Variants in ELMO1 observed in about 807,000 individuals in gnomAD.
ELMO1 encodes the protein engulfment and cell motility protein 1.
ELMO1 carries 26 observed loss-of-function variants against 98.9 expected under a neutral mutation model. The observed-to-expected ratio is 0.26, with a 90% CI of 0.19 to 0.36. The LOEUF is 0.36. Among genes scored for constraint, ELMO1 ranks in the 10% least tolerant of loss-of-function variants. ELMO1 has a pLI of 1.00. For missense variants in ELMO1, 627 were observed against 935.2 expected (o/e 0.67, Z 4.30); for synonymous variants, 346 against 346.0 (o/e 1.00, Z 0.00).
At chr7:36,968,035 TA>T (rs1308286041) in intron 16 of ELMO1, among the ~76,000 whole-genome samples, 2 of 152,194 alleles carry the variant, frequency 1.3e-5, no homozygotes, top group African/African-American at 4.8e-5. Context: ...GAAAGAAATA[TA>T]AAAATAAAAG....
chr7:36,885,822 C>G (rs1195406989), intron 18 of ELMO1, among the ~76,000 whole-genome samples: 1 of 152,206 alleles, frequency 6.6e-6, no homozygotes, highest in Non-Finnish European at 1.5e-5. Context: ...TCCACTCACT[C>G]TGGCTCACTG....
intron 15 of ELMO1, among the ~76,000 whole-genome samples, chr7:37,021,234 G>A (rs1002194130): frequency 2.0e-5 from 3 of 152,086 alleles, no homozygotes; most frequent in African/African-American, 7.2e-5. Flanking sequence ...CTAGATAGAA[G>A]CTACCACCCC....
intron 16 of ELMO1, among the ~76,000 whole-genome samples, chr7:37,000,277 G>A (rs564105637): frequency 1.0e-3 from 152 of 152,232 alleles, no homozygotes; most frequent in African/African-American, 3.3e-3. Flanking sequence ...ACAGAATCCC[G>A]TGCTCTGTGA....
intron 1 of ELMO1, among the ~76,000 whole-genome samples, chr7:37,416,667 C>T (rs534802918): frequency 6.6e-6 from 1 of 152,196 alleles, no homozygotes; most frequent in South Asian, 2.1e-4. Flanking sequence ...TTTGCATTTG[C>T]TTACAATTTG....
intron 1 of ELMO1, among the ~76,000 whole-genome samples, chr7:37,377,517 C>T (rs1802402133): frequency 6.6e-6 from 1 of 152,158 alleles, no homozygotes. Context: ...GGTCACCCCT[C>T]TCAACGCTCT....
chr7:36,957,788 G>C (rs1788592512), intron 16 of ELMO1, among the ~76,000 whole-genome samples: 2 of 152,134 alleles, frequency 1.3e-5, no homozygotes, highest in Admixed American at 6.5e-5. Context: ...CAATTGTTCT[G>C]AGAGAAGGCT....
chr7:36,891,399 G>A (rs1175103025), intron 17 of ELMO1, among the ~76,000 whole-genome samples: 5 of 152,144 alleles, frequency 3.3e-5, no homozygotes, highest in African/African-American at 7.2e-5. Flanking sequence ...TGAAGCATGC[G>A]GCTGATCTTT....
intron 16 of ELMO1, among the ~76,000 whole-genome samples, chr7:36,966,384 C>T (rs772955302): frequency 9.9e-5 from 15 of 152,162 alleles, no homozygotes; most frequent in Admixed American, 3.3e-4. Context: ...ATTAAGACCA[C>T]GGGTTTTTAA....
At chr7:37,266,238 T>A (rs1423686716) in intron 5 of ELMO1, among the ~76,000 whole-genome samples, 1 of 151,752 alleles carries the variant, frequency 6.6e-6, no homozygotes, top group Non-Finnish European at 1.5e-5. Flanking sequence ...GAGAGAAAAA[T>A]TGAAAACCTG....
At chr7:37,095,181 C>T (rs1784309034) in intron 15 of ELMO1, among the ~76,000 whole-genome samples, 1 of 152,174 alleles carries the variant, frequency 6.6e-6, no homozygotes, top group Non-Finnish European at 1.5e-5. Context: ...ACTACTCACT[C>T]CAGTTACTGA....
rs552973958 is a variant in ELMO1 at position 37,092,969 on chromosome 7, T to A, written c.1300+3650A>T. Among the ~76,000 whole-genome samples, 120 of 151,500 alleles carry A rather than the reference T, an allele frequency of 7.9e-4. 1 individual carries two copies. Among genetic ancestry groups the A allele is most frequent in the African/African-American group, 2.8e-3 (114 of 41,210 alleles). On this transcript the variant is annotated intron_variant, in intron 15 of 21. Coordinates refer to ENST00000310758, the MANE Select transcript of ELMO1 (RefSeq NM_014800.11). Reference sequence around the variant, plus strand: ...CCAGTTTGAGCTCAGTAAACTCAGATACGCAGTAGGTGCAAGTAAGTCTTC... The same window carrying A: ...CCAGTTTGAGCTCAGTAAACTCAGAAACGCAGTAGGTGCAAGTAAGTCTTC...
intron 15 of ELMO1, among the ~76,000 whole-genome samples, chr7:37,085,520 C>T (rs985476440): frequency 2.0e-5 from 3 of 152,136 alleles, no homozygotes; most frequent in African/African-American, 7.2e-5. Flanking sequence ...CTTATACTTT[C>T]CCTCCAATTT....
At chr7:37,390,717 GGCTCC>G (rs1179742943) in intron 1 of ELMO1, among the ~76,000 whole-genome samples, 1 of 152,184 alleles carries the variant, frequency 6.6e-6, no homozygotes, top group Non-Finnish European at 1.5e-5. Flanking sequence ...TGGAAACCAA[GGCTCC>G]GCTCTTTGAG....
In ELMO1 at chr7:37,072,753, T is replaced by C. The variant is rs137968458; in HGVS notation, c.1300+23866A>G. Among the ~76,000 whole-genome samples, 234 of 152,284 alleles carry C rather than the reference T, an allele frequency of 1.5e-3. 1 individual carries two copies. Among genetic ancestry groups the C allele is most frequent in the African/African-American group, 5.5e-3 (228 of 41,568 alleles). ...AGTGAGGGGGTGCCACTGGTTTCTC[T>C]TCTTCATAAAACATAAGGCGAGTAC... On this transcript the variant is annotated intron_variant, in intron 15 of 21. Transcript: ENST00000310758.
At chr7:37,272,984 C>T (rs1469130015) in intron 4 of ELMO1, among the ~76,000 whole-genome samples, 2 of 152,116 alleles carry the variant, frequency 1.3e-5, no homozygotes, top group African/African-American at 2.4e-5. Flanking sequence ...CACTAAATAC[C>T]CCCAAATTGG....
chr7:37,003,983 T>C (rs1792870908), intron 16 of ELMO1, among the ~76,000 whole-genome samples: 1 of 152,250 alleles, frequency 6.6e-6, no homozygotes, highest in African/African-American at 2.4e-5. Flanking sequence ...TCTTCTGTTC[T>C]GCCTTAGGAG....
chr7:37,227,632 C>T (rs576574862), intron 8 of ELMO1, among the ~76,000 whole-genome samples: 116 of 152,210 alleles, frequency 7.6e-4, no homozygotes, highest in African/African-American at 2.6e-3. Context: ...GTAATCCACC[C>T]GCCTCGGCCT....
At chr7:37,319,833 C>G (rs1392694669) in intron 2 of ELMO1, among the ~76,000 whole-genome samples, 1 of 152,200 alleles carries the variant, frequency 6.6e-6, no homozygotes. Context: ...AAGATCCCAT[C>G]ACCAGGTCCC....
chr7:37,417,355 T>C (rs552526052), intron 1 of ELMO1, among the ~76,000 whole-genome samples: 4 of 152,090 alleles, frequency 2.6e-5, no homozygotes, highest in South Asian at 2.1e-4. Flanking sequence ...AAGAGGAAGA[T>C]GTCTACTAAA....
Sources: gnomAD v4.1 joint callset for allele counts (sites outside exome capture counted in the v4.1 genomes callset) on GRCh38, gnomAD v4.1.1 for gene constraint, MANE v1.5 for transcripts, NCBI Gene and HGNC (gene_info 2026-07-23, HGNC 2026-07-21) for gene names.